The following PDE9A variants were observed in gnomAD, a reference collection of about 807,000 sequenced individuals.
PDE9A encodes the protein high affinity cGMP-specific 3',5'-cyclic phosphodiesterase 9A.
PDE9A carries 60 observed loss-of-function variants against 87.4 expected under a neutral mutation model. That is an observed-to-expected ratio of 0.69 (90% confidence interval 0.56 to 0.85). PDE9A has a LOEUF of 0.85. Among genes scored for constraint, PDE9A ranks in the 40% least tolerant of loss-of-function variants. The pLI is 0.00. For missense variants in PDE9A, 665 were observed against 779.0 expected (o/e 0.85, Z 1.74); for synonymous variants, 272 against 279.4 (o/e 0.97, Z 0.27).
chr21:42,709,180 T>C (rs1290589443), intron 4 of PDE9A, among the ~76,000 whole-genome samples: 1 of 152,202 alleles, frequency 6.6e-6, no homozygotes, highest in East Asian at 1.9e-4. Context: ...GAAGCCATTA[T>C]CCTCAGCAAA....
chr21:42,691,422 A>G (rs1414323530), intron 3 of PDE9A, among the ~76,000 whole-genome samples: 1 of 150,568 alleles, frequency 6.6e-6, no homozygotes, highest in Non-Finnish European at 1.5e-5. Flanking sequence ...CATCACCATC[A>G]AAGTCACCAG....
intron 15 of PDE9A, among the ~76,000 whole-genome samples, chr21:42,767,689 G>A (rs35644966): frequency 0.043 from 6,573 of 152,290 alleles, 173 homozygotes; most frequent in Middle Eastern, 0.099. Flanking sequence ...GGTGATTCCA[G>A]ACACTCATTT....
rs1311000918 is a variant in PDE9A, at chr21:42,686,179, TTC to T, written c.70-11_70-10del. Reference sequence around the variant, plus strand: ...CGCCCTCGCTGCCGCCTCACCGCGCTTCTGTTTTGCAGGTAATCTTCAGCAAG... The same window carrying T: ...CGCCCTCGCTGCCGCCTCACCGCGCTTGTTTTGCAGGTAATCTTCAGCAAG... On this transcript the variant is annotated splice_polypyrimidine_tract_variant and intron_variant, in intron 1 of 19. Transcript: ENST00000291539. 3.7e-6 allele frequency: 6 copies of T among 1,612,258 alleles called. No individual in the cohort carries two copies. The highest frequency in any genetic ancestry group is 1.3e-5 in the African/African-American group (1 of 74,910).
chr21:42,720,167 G>A (rs4920138), intron 4 of PDE9A, among the ~76,000 whole-genome samples: 105,138 of 152,108 alleles, frequency 0.69, 37,701 homozygotes, highest in East Asian at 0.94. Flanking sequence ...AGCGGCATCC[G>A]TTCGGTTATT....
chr21:42,774,609 C>T (rs866553229), intron 19 of PDE9A, among the ~76,000 whole-genome samples: 10 of 152,114 alleles, frequency 6.6e-5, no homozygotes, highest in East Asian at 3.9e-4. Flanking sequence ...CGGCCGGGCA[C>T]GGTGGTTCAC....
intron 1 of PDE9A, among the ~76,000 whole-genome samples, chr21:42,665,607 G>A (rs571810272): frequency 4.1e-4 from 63 of 152,264 alleles, no homozygotes; most frequent in African/African-American, 1.4e-3. Context: ...TACAGCTCCC[G>A]GCCTTCCCTG....
chr21:42,685,033 G>C (rs1368483672), intron 1 of PDE9A, among the ~76,000 whole-genome samples: 1 of 152,134 alleles, frequency 6.6e-6, no homozygotes, highest in Non-Finnish European at 1.5e-5. Flanking sequence ...CATCTTCCTA[G>C]GCCTGCGTTT....
chr21:42,769,494 GGCACGCAGGTACACATGCACACAA>G (rs2056756986), intron 17 of PDE9A, among the ~76,000 whole-genome samples: 2 of 9,312 alleles, frequency 2.1e-4, no homozygotes, highest in Admixed American at 7.4e-4. Flanking sequence ...ATGCACACAA[GGCACGCAGGTACACATGCACACAA>G]GGCACACAGG....
intron 4 of PDE9A, among the ~76,000 whole-genome samples, chr21:42,701,961 T>A (rs2048421317): frequency 6.6e-6 from 1 of 152,200 alleles, no homozygotes; most frequent in South Asian, 2.1e-4. Context: ...TATGATGGCC[T>A]TGGTGTGGTT....
At chr21:42,763,475 G>T (rs1602543870) in intron 14 of PDE9A, among the ~76,000 whole-genome samples, 2 of 152,286 alleles carry the variant, frequency 1.3e-5, no homozygotes, top group South Asian at 4.1e-4. Context: ...CAAACTAAGG[G>T]ACTTCGGGGC....
At position 42,718,701 on chromosome 21, in the gene PDE9A, C is replaced by T. The variant is rs530978816; in HGVS notation, c.263-13069C>T. 1.4e-3 allele frequency among the ~76,000 whole-genome samples: 209 copies of T among 151,872 alleles called. 2 individuals carry two copies. Among genetic ancestry groups the T allele is most frequent in the Non-Finnish European group, 2.1e-3 (142 of 67,922 alleles). On this transcript the variant is annotated intron_variant, in intron 4 of 19. Transcript: ENST00000291539. ...CGCCGCTTTTGTTTCGGTGTTTGCA[C>T]GTACCTGCAATTGCTGCATTAAAGT...
chr21:42,679,752 G>A (rs1230719523), intron 1 of PDE9A, among the ~76,000 whole-genome samples: 1 of 152,198 alleles, frequency 6.6e-6, no homozygotes, highest in Non-Finnish European at 1.5e-5. Flanking sequence ...GACCCGGAAA[G>A]GAAACGACTC....
chr21:42,710,989 A>G (rs1177773589), intron 4 of PDE9A, among the ~76,000 whole-genome samples: 4 of 152,148 alleles, frequency 2.6e-5, no homozygotes, highest in Non-Finnish European at 5.9e-5. Flanking sequence ...CTGCATCTCA[A>G]AAAAAATATG....
chr21:42,679,242 C>T (rs2269138), intron 1 of PDE9A, among the ~76,000 whole-genome samples: 7 of 152,112 alleles, frequency 4.6e-5, no homozygotes, highest in Non-Finnish European at 7.4e-5. Flanking sequence ...CTGCTGGCAT[C>T]GAGTCTGTGT....
intron 1 of PDE9A, among the ~76,000 whole-genome samples, chr21:42,667,543 G>C (rs2058091048): frequency 6.6e-6 from 1 of 152,152 alleles, no homozygotes; most frequent in Non-Finnish European, 1.5e-5. Flanking sequence ...TGGTGAGGAG[G>C]GAGGGAAGAT....
chr21:42,737,260 CAG>C (rs1330505257), intron 7 of PDE9A, among the ~76,000 whole-genome samples: 1 of 152,236 alleles, frequency 6.6e-6, no homozygotes, highest in African/African-American at 2.4e-5. Context: ...TAAACACAAA[CAG>C]AGAAAGGTGC....
intron 7 of PDE9A, chr21:42,741,677 C>T (rs1246045065): frequency 6.7e-6 from 1 of 148,704 alleles, no homozygotes; most frequent in Non-Finnish European, 1.5e-5. Context: ...GAACATGCCC[C>T]TACTTGACCC....
chr21:42,758,784 C>T (rs543153616), intron 10 of PDE9A: 24 of 528,150 alleles, frequency 4.5e-5, no homozygotes, highest in East Asian at 2.9e-4. Context: ...CTCAAACCCC[C>T]ACCCATCTGA....
chr21:42,685,464 AG>A (rs1396662335), intron 1 of PDE9A, among the ~76,000 whole-genome samples: 4,993 of 99,076 alleles, frequency 0.05, 336 homozygotes, highest in African/African-American at 0.22. Context: ...ACCGAAAGGC[AG>A]TCTTTTTTTT....
Sources: allele counts gnomAD v4.1 joint callset (sites outside exome capture counted in the v4.1 genomes callset), GRCh38; gene constraint gnomAD v4.1.1; transcripts MANE v1.5; gene names NCBI Gene and HGNC (gene_info 2026-07-23, HGNC 2026-07-21).